Variants in SLC39A11 observed in about 807,000 individuals in gnomAD.
SLC39A11 encodes the protein zinc transporter ZIP11.
Under a neutral mutation model 36.1 loss-of-function variants are expected in SLC39A11, and 33 were observed. The ratio of observed to expected loss-of-function variants is 0.91; its 90% CI spans 0.69 to 1.22. The LOEUF (loss-of-function observed/expected upper bound fraction) is 1.22. Ranked by LOEUF, SLC39A11 falls within the 50% of genes most tolerant of loss-of-function variation. The pLI is 0.00. For synonymous variants in SLC39A11, 166 were observed against 170.3 expected (o/e 0.97, Z 0.20); for missense variants, 432 against 430.3 (o/e 1.00, Z -0.03).
intron 5 of SLC39A11, among the ~76,000 whole-genome samples, chr17:72,867,485 G>A (rs769598287): frequency 3.9e-5 from 6 of 152,120 alleles, no homozygotes; most frequent in African/African-American, 7.2e-5. Flanking sequence ...GGGCGACTGC[G>A]TGAGCCTCCA....
At chr17:72,817,510 A>T (rs1357844397) in intron 6 of SLC39A11, among the ~76,000 whole-genome samples, 1 of 152,176 alleles carries the variant, frequency 6.6e-6, no homozygotes, top group Non-Finnish European at 1.5e-5. Flanking sequence ...CCCCATCTCC[A>T]ACAATGAAAC....
chr17:72,839,808 T>C (rs1019883390), intron 6 of SLC39A11: 8 of 152,196 alleles, frequency 5.3e-5, no homozygotes, highest in African/African-American at 1.9e-4. Flanking sequence ...GTGCATAAGT[T>C]GAGGGTTGAG....
chr17:72,748,646 G>A (rs1175154438), intron 6 of SLC39A11, among the ~76,000 whole-genome samples: 5 of 152,196 alleles, frequency 3.3e-5, no homozygotes, highest in African/African-American at 1.2e-4. Flanking sequence ...AAGGCATCTG[G>A]TTAAACACCC....
At chr17:73,000,375 CCT>C (rs138417071) in intron 4 of SLC39A11, among the ~76,000 whole-genome samples, 36 of 149,598 alleles carry the variant, frequency 2.4e-4, no homozygotes, top group Admixed American at 3.3e-4. Flanking sequence ...TCCTCCTCCT[CCT>C]CTCTCTCTCT....
chr17:72,870,204 A>T (rs1598202293), intron 5 of SLC39A11, among the ~76,000 whole-genome samples: 1 of 152,264 alleles, frequency 6.6e-6, no homozygotes, highest in East Asian at 1.9e-4. Flanking sequence ...CTGATCTGAG[A>T]CAGGTGTATG....
chr17:73,013,467 G>A (rs1315933370), intron 4 of SLC39A11, among the ~76,000 whole-genome samples: 2 of 152,210 alleles, frequency 1.3e-5, no homozygotes, highest in Non-Finnish European at 2.9e-5. Flanking sequence ...AACCATCACA[G>A]CTACTCATTT....
intron 3 of SLC39A11, among the ~76,000 whole-genome samples, chr17:73,047,990 A>AAAAAAAAAAAAATATAT (rs1555693446): frequency 1.7e-5 from 1 of 58,702 alleles, no homozygotes; most frequent in Non-Finnish European, 3.0e-5. Flanking sequence ...AAAAAAAAAA[A>AAAAAAAAAAAAATATAT]ATATATATAT....
intron 6 of SLC39A11, among the ~76,000 whole-genome samples, chr17:72,742,541 G>A (rs531581194): frequency 6.6e-6 from 1 of 152,200 alleles, no homozygotes; most frequent in East Asian, 1.9e-4. Context: ...GGATCCTTGG[G>A]GAGAAACCAA....
chr17:72,685,248 G>A (rs1385004929), intron 7 of SLC39A11, among the ~76,000 whole-genome samples: 1 of 152,244 alleles, frequency 6.6e-6, no homozygotes, highest in Non-Finnish European at 1.5e-5. Context: ...TGCTACGAAG[G>A]AGGCCACCTT....
chr17:72,968,552 T>C (rs1171126596), intron 4 of SLC39A11, among the ~76,000 whole-genome samples: 1 of 152,210 alleles, frequency 6.6e-6, no homozygotes, highest in East Asian at 1.9e-4. Flanking sequence ...ACTAGCCTGA[T>C]GTGCAGGTGG....
rs532108561 is a variant in SLC39A11, at chr17:72,910,134, T to C, written c.430+37618A>G. Among the ~76,000 whole-genome samples, 6 of 152,090 alleles carry C rather than the reference T, an allele frequency of 3.9e-5. No homozygotes were observed. The South Asian group carries it at 1.2e-3, about 32-fold the overall frequency. The stretch of plus-strand genomic sequence containing the variant: ...AATTCTATCACAACATTTTTAGTCG[T>C]AAGTTGTTTGCCAAGGCTGATATTA... On this transcript the variant is annotated intron_variant, in intron 5 of 9. Coordinates refer to ENST00000255559, the MANE Select transcript of SLC39A11 (RefSeq NM_139177.4).
At chr17:72,759,053 A>C (rs2075469719) in intron 6 of SLC39A11, among the ~76,000 whole-genome samples, 2 of 152,132 alleles carry the variant, frequency 1.3e-5, no homozygotes, top group Non-Finnish European at 2.9e-5. Flanking sequence ...GTGAGCCGAG[A>C]TCGTGCCATT....
chr17:72,831,140 T>C (rs1391093907), intron 6 of SLC39A11, among the ~76,000 whole-genome samples: 2 of 151,524 alleles, frequency 1.3e-5, no homozygotes, highest in African/African-American at 2.4e-5. Flanking sequence ...TTTTTTTTTT[T>C]CTCCCATCAG....
At chr17:72,690,218 A>T (rs559682887) in intron 7 of SLC39A11, among the ~76,000 whole-genome samples, 1 of 152,314 alleles carries the variant, frequency 6.6e-6, no homozygotes, top group East Asian at 1.9e-4. Flanking sequence ...GGACTTCCTG[A>T]AACTTTGAAG....
chr17:73,058,550 C>T (rs2059742574), intron 3 of SLC39A11, among the ~76,000 whole-genome samples: 1 of 152,062 alleles, frequency 6.6e-6, no homozygotes, highest in African/African-American at 2.4e-5. Context: ...TGGCGAAACC[C>T]CCTCTCTACT....
chr17:72,796,718 G>C (rs1039693020), intron 6 of SLC39A11, among the ~76,000 whole-genome samples: 2 of 152,142 alleles, frequency 1.3e-5, no homozygotes, highest in Non-Finnish European at 2.9e-5. Context: ...CCTCAAATTC[G>C]ATGCTGACTT....
chr17:72,877,976 C>T (rs191461187), intron 5 of SLC39A11, among the ~76,000 whole-genome samples: 1 of 111,886 alleles, frequency 8.9e-6, no homozygotes, highest in Non-Finnish European at 1.7e-5. Context: ...TCCCTCCCCC[C>T]ACCCCACAAC....
intron 5 of SLC39A11, among the ~76,000 whole-genome samples, chr17:72,938,977 G>T (rs1388032134): frequency 6.6e-6 from 1 of 152,152 alleles, no homozygotes; most frequent in Non-Finnish European, 1.5e-5. Context: ...TTTTATTACT[G>T]CCAGGACTCG....
chr17:72,918,622 A>T (rs114779188), intron 5 of SLC39A11, among the ~76,000 whole-genome samples: 1 of 152,206 alleles, frequency 6.6e-6, no homozygotes, highest in East Asian at 1.9e-4. Flanking sequence ...GTCCCTCTCA[A>T]CTGGCCCCAG....
Sources: gnomAD v4.1 joint callset for allele counts (sites outside exome capture counted in the v4.1 genomes callset) on GRCh38, gnomAD v4.1.1 for gene constraint, MANE v1.5 for transcripts, NCBI Gene and HGNC (gene_info 2026-07-23, HGNC 2026-07-21) for gene names.